MYO5A: variants seen among roughly 807,000 people sequenced by gnomAD.
MYO5A encodes the protein unconventional myosin-Va.
In MYO5A, 98 loss-of-function variants were observed where a neutral mutation model predicts 249.7. The observed-to-expected ratio is 0.39, with a 90% CI of 0.33 to 0.46. The LOEUF (loss-of-function observed/expected upper bound fraction) is 0.46. Among genes scored for constraint, MYO5A ranks in the 20% least tolerant of loss-of-function variants. The pLI, the probability that MYO5A is intolerant of heterozygous loss-of-function variation, is 0.98. For missense variants in MYO5A, 1,696 were observed against 2,308.8 expected (o/e 0.73, Z 5.44); for synonymous variants, 778 against 810.6 (o/e 0.96, Z 0.68).
intron 9 of MYO5A, among the ~76,000 whole-genome samples, chr15:52,398,192 AAGGATTGTAAGC>A (rs1272833957): frequency 6.6e-6 from 1 of 152,190 alleles, no homozygotes. Flanking sequence ...TAGGCCACTG[AAGGATTGTAAGC>A]AGGTAACTTG....
At chr15:52,353,491 A>C in intron 27 of MYO5A, 114 bp downstream of exon 27, 1 of 859,732 alleles carries the variant, frequency 1.2e-6, no homozygotes, top group East Asian at 2.4e-5. Context: ...TGAAGCTAGG[A>C]CCTCTGGTGC....
At chr15:52,380,640 G>A (rs1198511593) in intron 16 of MYO5A, among the ~76,000 whole-genome samples, 5 of 149,852 alleles carry the variant, frequency 3.3e-5, no homozygotes, top group South Asian at 2.1e-4. Context: ...GGTGGCAGGC[G>A]CCTGTAATCC....
At chr15:52,334,713 C>G (rs1401294525) in intron 34 of MYO5A, among the ~76,000 whole-genome samples, 1 of 152,200 alleles carries the variant, frequency 6.6e-6, no homozygotes, top group African/African-American at 2.4e-5. Context: ...AGACACTATG[C>G]TAGGTGCTGT....
At chr15:52,425,313 T>G (rs924978400) in intron 4 of MYO5A, among the ~76,000 whole-genome samples, 1 of 152,118 alleles carries the variant, frequency 6.6e-6, no homozygotes, top group African/African-American at 2.4e-5. Flanking sequence ...AAAGGCAGTT[T>G]TTAAAAACTC....
chr15:52,397,182 A>G lies in MYO5A; in HGVS notation c.1319+19T>C, dbSNP rs370401724. On this transcript the variant is annotated intron_variant, in intron 10 of 41. Coordinates refer to ENST00000399233, the MANE Select transcript of MYO5A (RefSeq NM_001382347.1). The stretch of plus-strand genomic sequence containing the variant: ...GAAAGAAATGTTCTCTGGCAGACCA[A>G]TTAGCCAAATATACTCACCCGTAAA... 1.2e-5 allele frequency: 20 copies of G among 1,613,178 alleles called. No homozygotes were observed. Among genetic ancestry groups the G allele is most frequent in the Non-Finnish European group, 1.6e-5 (19 of 1,179,850 alleles).
chr15:52,506,719 C>T lies in MYO5A; in HGVS notation c.27+22061G>A, dbSNP rs188827082. On this transcript the variant is annotated intron_variant, in intron 1 of 41. Coordinates refer to ENST00000399233, the MANE Select transcript of MYO5A (RefSeq NM_001382347.1). ...GCGTGGTTGCCTGCACCTGTAATCC[C>T]AGATACACAGGTGGCTGAGGTGTGA... is the stretch of plus-strand genomic sequence containing the variant. Among the ~76,000 whole-genome samples, 51 of 152,142 alleles carry T rather than the reference C, an allele frequency of 3.4e-4. 1 individual carries two copies. Among genetic ancestry groups the T allele is most frequent in the Admixed American group, 1.2e-3 (19 of 15,276 alleles).
chr15:52,435,530 G>C (rs575321153), intron 1 of MYO5A: 1 of 401,170 alleles, frequency 2.5e-6, no homozygotes, highest in African/African-American at 2.1e-5. Flanking sequence ...ACCCGCCTTG[G>C]CCTCTCAAGG....
upstream of MYO5A, chr15:52,528,936 G>A: frequency 4.3e-6 from 3 of 703,922 alleles, no homozygotes; most frequent in Non-Finnish European, 5.4e-6. Flanking sequence ...CGGGCGGGGA[G>A]GGCCGCGCGG....
At chr15:52,317,279 CT>C in intron 39 of MYO5A, 57 bp from the exon 40 acceptor site, 1 of 1,565,614 alleles carries the variant, frequency 6.4e-7, no homozygotes, top group Non-Finnish European at 8.7e-7. Flanking sequence ...TCAAAAATGT[CT>C]TAATTTTTTT....
intron 1 of MYO5A, among the ~76,000 whole-genome samples, chr15:52,446,520 A>T: frequency 6.6e-6 from 1 of 152,232 alleles, no homozygotes. Flanking sequence ...GCCAAAGGAA[A>T]ATGTGGGGTT....
intron 1 of MYO5A, among the ~76,000 whole-genome samples, chr15:52,439,807 G>C (rs956521357): frequency 9.9e-5 from 15 of 152,002 alleles, no homozygotes; most frequent in African/African-American, 3.6e-4. Context: ...TTGAGGTATT[G>C]GGATTAAAGA....
intron 37 of MYO5A, among the ~76,000 whole-genome samples, chr15:52,321,792 T>TAAAAA (rs71875115): frequency 1.0e-3 from 95 of 92,732 alleles, no homozygotes; most frequent in African/African-American, 1.2e-3. Flanking sequence ...GGAACTTAAC[T>TAAAAA]AAAAAAAAAA....
chr15:52,463,200 A>G (rs2076287510), intron 1 of MYO5A, among the ~76,000 whole-genome samples: 1 of 152,222 alleles, frequency 6.6e-6, no homozygotes, highest in African/African-American at 2.4e-5. Flanking sequence ...CAAAGACTCT[A>G]AAAGAACTTG....
intron 35 of MYO5A, among the ~76,000 whole-genome samples, chr15:52,329,788 G>T (rs548455874): frequency 6.6e-6 from 1 of 152,068 alleles, no homozygotes; most frequent in Non-Finnish European, 1.5e-5. Flanking sequence ...GCCCAGGGTG[G>T]AGTGCAGTGG....
chr15:52,512,662 AC>A, intron 1 of MYO5A, among the ~76,000 whole-genome samples: 1 of 152,258 alleles, frequency 6.6e-6, no homozygotes, highest in Middle Eastern at 3.4e-3. Flanking sequence ...TTATTTTTAT[AC>A]CTTTTTAAAT....
At chr15:52,355,388 C>T (rs1291650647) in intron 25 of MYO5A, among the ~76,000 whole-genome samples, 1 of 152,152 alleles carries the variant, frequency 6.6e-6, no homozygotes, top group Non-Finnish European at 1.5e-5. Flanking sequence ...TATTTACTGC[C>T]TCTTCAGAAA....
At chr15:52,449,743 T>C (rs2075975138) in intron 1 of MYO5A, among the ~76,000 whole-genome samples, 1 of 152,320 alleles carries the variant, frequency 6.6e-6, no homozygotes, top group Admixed American at 6.5e-5. Flanking sequence ...CTCATGCCTG[T>C]AATCCCAGCA....
At chr15:52,405,457 G>A in intron 8 of MYO5A, 64 bp from the exon 9 acceptor site, 3 of 1,241,004 alleles carry the variant, frequency 2.4e-6, no homozygotes, top group Non-Finnish European at 3.5e-6. Context: ...AATTACAGCA[G>A]ACAATTTTAA....
chr15:52,337,136 T>C (rs921264168), intron 33 of MYO5A, among the ~76,000 whole-genome samples: 1 of 152,132 alleles, frequency 6.6e-6, no homozygotes, highest in Non-Finnish European at 1.5e-5. Context: ...AGGACCAAAG[T>C]GGCAAGTGGC....
Sources: gnomAD v4.1 joint callset for allele counts (sites outside exome capture counted in the v4.1 genomes callset) on GRCh38, gnomAD v4.1.1 for gene constraint, MANE v1.5 for transcripts, NCBI Gene and HGNC (gene_info 2026-07-23, HGNC 2026-07-21) for gene names.